The following PLAG1 variants were observed in gnomAD, a reference collection of about 807,000 sequenced individuals.
PLAG1 encodes the protein PLAG1 zinc finger, also known as zinc finger protein PLAG1.
PLAG1 carries 7 observed loss-of-function variants against 35.5 expected under a neutral mutation model. That is an observed-to-expected ratio of 0.20 (90% CI 0.11 to 0.37). The LOEUF is 0.37. Among genes scored for constraint, PLAG1 ranks in the 10% least tolerant of loss-of-function variants. The pLI is 1.00. For missense variants in PLAG1, 454 were observed against 602.8 expected, an observed-to-expected ratio of 0.75 and a Z score of 2.58; for synonymous variants, 229 against 225.4, an observed-to-expected ratio of 1.02 and a Z score of -0.14.
At position 56,167,323 on chromosome 8, in the gene PLAG1, G is replaced by A. The variant is rs748932129; in HGVS notation, c.423C>T (p.Ala141=). 8 of 1,614,022 alleles carry A rather than the reference G, an allele frequency of 5.0e-6. No homozygotes were observed. The highest frequency in any genetic ancestry group is 6.8e-6 in the Non-Finnish European group (8 of 1,179,986). ...NTKLGFKRHL[A]LHAATSGDLT... ...GGTCACCACTTGTTGCGGCATGCAA[G>A]GCCAAGTGACGTTTAAATCCAAGCT... is the stretch of plus-strand genomic sequence containing the variant. The change falls in exon 5 of 5, where the codon GCC becomes GCT. Residue 141 remains alanine, a synonymous_variant. Coordinates refer to ENST00000316981, the MANE Select transcript of PLAG1 (RefSeq NM_002655.3). The surrounding 1 kb of genome is among the most constrained non-coding windows in gnomAD (Gnocchi z 5.9).
At chr8:56,205,826 C>T (rs2129235697) in intron 1 of PLAG1, among the ~76,000 whole-genome samples, 1 of 152,006 alleles carries the variant, frequency 6.6e-6, no homozygotes, top group South Asian at 2.1e-4. Context: ...AATTTCTTGT[C>T]CTATTAACCT....
rs567891846 is a variant in PLAG1 at position 56,173,750 on chromosome 8, G to T, written c.-216-2561C>A. On this transcript the variant is annotated intron_variant, in intron 2 of 4. Transcript: ENST00000316981. ...AGTTCAGAATACCCTTCTAGTTTTT[G>T]TTGGTACCAGAAGAAGCAATTTTTT... Among the ~76,000 whole-genome samples the T allele has an allele frequency of 2.8e-3, 426 of 152,222 alleles. 3 individuals are homozygous for T. Among genetic ancestry groups the T allele is most frequent in the African/African-American group, 9.7e-3 (403 of 41,574 alleles).
At chr8:56,184,617 T>A (rs1342672380) in intron 1 of PLAG1, among the ~76,000 whole-genome samples, 1 of 152,186 alleles carries the variant, frequency 6.6e-6, no homozygotes, top group African/African-American at 2.4e-5. Flanking sequence ...AATCAGGTTT[T>A]AGCCGGGCAC....
At chr8:56,180,981 G>A (rs1811848398) in intron 1 of PLAG1, among the ~76,000 whole-genome samples, 1 of 152,154 alleles carries the variant, frequency 6.6e-6, no homozygotes. Context: ...CATCATCACT[G>A]GTCATTAGAG....
intron 1 of PLAG1, among the ~76,000 whole-genome samples, chr8:56,206,195 A>C (rs555461034): frequency 6.6e-6 from 1 of 152,068 alleles, no homozygotes; most frequent in South Asian, 2.1e-4. Flanking sequence ...CCACCCTGTA[A>C]AGAGGAGGCA....
At chr8:56,179,365 A>C in intron 2 of PLAG1, 44 bp downstream of exon 2, 1 of 217,496 alleles carries the variant, frequency 4.6e-6, no homozygotes, top group Non-Finnish European at 7.9e-6. Flanking sequence ...TGGAATAATT[A>C]ATCACTTTGA....
At chr8:56,175,003 T>C (rs1811643486) in intron 2 of PLAG1, among the ~76,000 whole-genome samples, 1 of 152,108 alleles carries the variant, frequency 6.6e-6, no homozygotes, top group Non-Finnish European at 1.5e-5. Context: ...CTGAAACTAA[T>C]CCCTCATGGA....
intron 1 of PLAG1, among the ~76,000 whole-genome samples, chr8:56,191,207 G>C (rs1366312934): frequency 6.6e-6 from 1 of 152,184 alleles, no homozygotes; most frequent in African/African-American, 2.4e-5. Flanking sequence ...TCCCAGGGCT[G>C]GGAGCAGGAA....
chr8:56,199,652 C>G (rs1812489606), intron 1 of PLAG1, among the ~76,000 whole-genome samples: 1 of 152,106 alleles, frequency 6.6e-6, no homozygotes, highest in South Asian at 2.1e-4. Flanking sequence ...GCTCCAGAAG[C>G]CCCGGTATAC....
chr8:56,172,508 G>A (rs533216539), intron 2 of PLAG1, among the ~76,000 whole-genome samples: 3 of 152,192 alleles, frequency 2.0e-5, no homozygotes, highest in East Asian at 1.9e-4. Flanking sequence ...GGGTAATTAC[G>A]AATATGAAAG....
At chr8:56,195,840 G>A (rs1038585460) in intron 1 of PLAG1, among the ~76,000 whole-genome samples, 2 of 152,150 alleles carry the variant, frequency 1.3e-5, no homozygotes, top group African/African-American at 4.8e-5. Flanking sequence ...CAGAGCCCAA[G>A]ATGGGCAACA....
chr8:56,197,759 C>A (rs1311320207), intron 1 of PLAG1, among the ~76,000 whole-genome samples: 1 of 152,132 alleles, frequency 6.6e-6, no homozygotes, highest in Non-Finnish European at 1.5e-5. Context: ...TTCTTTGGAG[C>A]ATGTGTAGTT....
At chr8:56,210,692 C>T (rs1212860387) in intron 1 of PLAG1, among the ~76,000 whole-genome samples, 3 of 152,032 alleles carry the variant, frequency 2.0e-5, no homozygotes, top group Non-Finnish European at 1.5e-5. Context: ...ATTAATTTTT[C>T]CCTTATTTTT....
intron 1 of PLAG1, among the ~76,000 whole-genome samples, chr8:56,207,082 ATG>A (rs1200092767): frequency 2.6e-5 from 4 of 151,906 alleles, no homozygotes; most frequent in Non-Finnish European, 5.9e-5. Context: ...TTCCTTGGGG[ATG>A]TGTGTAACTG....
rs1297641518 is a variant in PLAG1 at position 56,160,953 on chromosome 8, A to G, written c.*5290T>C. The G allele has an allele frequency of 5.6e-6, 1 of 178,280 alleles. No homozygotes were observed. Among genetic ancestry groups the G allele is most frequent in the Non-Finnish European group, 1.2e-5 (1 of 83,012 alleles). The allele number at this position is 178,280 out of a possible 1,614,324, so 11.0% of individuals were successfully genotyped here. On this transcript the variant is annotated 3_prime_UTR_variant, in exon 5 of 5. Coordinates refer to ENST00000316981, the MANE Select transcript of PLAG1 (RefSeq NM_002655.3). ...TATTCATATATTTTGTGGAATTCACATATCTTATTCTTACAGCAAACATAA... is the reference window on the plus strand; with the variant it reads ...TATTCATATATTTTGTGGAATTCACGTATCTTATTCTTACAGCAAACATAA...
At chr8:56,170,208 A>G (rs1332662252) in intron 3 of PLAG1, among the ~76,000 whole-genome samples, 1 of 152,268 alleles carries the variant, frequency 6.6e-6, no homozygotes, top group African/African-American at 2.4e-5. Context: ...AGATACAGGC[A>G]AGGCCTTTGT....
intron 1 of PLAG1, among the ~76,000 whole-genome samples, chr8:56,187,978 C>A (rs1287008217): frequency 6.6e-6 from 1 of 152,096 alleles, no homozygotes; most frequent in Admixed American, 6.5e-5. Context: ...GACTATCCAG[C>A]AATGGACTGA....
intron 2 of PLAG1, among the ~76,000 whole-genome samples, chr8:56,175,163 T>C (rs895414787): frequency 3.9e-5 from 6 of 152,342 alleles, no homozygotes; most frequent in Non-Finnish European, 7.4e-5. Flanking sequence ...ACAATAGCAA[T>C]TGTAATAAAA....
intron 1 of PLAG1, among the ~76,000 whole-genome samples, chr8:56,185,448 T>C (rs1434532723): frequency 6.6e-6 from 1 of 152,134 alleles, no homozygotes; most frequent in Non-Finnish European, 1.5e-5. Flanking sequence ...GAGAAACTCA[T>C]CATCACATAA....
Sources: allele counts gnomAD v4.1 joint callset (sites outside exome capture counted in the v4.1 genomes callset), GRCh38; gene constraint gnomAD v4.1.1; non-coding constraint Gnocchi (gnomAD v3.1); transcripts MANE v1.5; gene names NCBI Gene and HGNC (gene_info 2026-07-23, HGNC 2026-07-21).